The following RALYL variants were observed in gnomAD, a reference collection of about 807,000 sequenced individuals.
The protein encoded by RALYL is RALY RNA binding protein like.
Under a neutral mutation model 35.1 loss-of-function variants are expected in RALYL, and 29 were observed. The observed-to-expected ratio is 0.83, with a 90% CI of 0.61 to 1.13. The LOEUF (loss-of-function observed/expected upper bound fraction) is 1.13. Ranked by LOEUF, RALYL falls within the 50% of genes most tolerant of loss-of-function variation. The pLI is 0.00. For synonymous variants in RALYL, 120 were observed against 127.6 expected, an observed-to-expected ratio of 0.94 and a Z score of 0.40; for missense variants, 359 against 360.4, an observed-to-expected ratio of 1.00 and a Z score of 0.03.
intron 1 of RALYL, among the ~76,000 whole-genome samples, chr8:84,403,261 T>G (rs1358941636): frequency 1.3e-5 from 2 of 152,166 alleles, no homozygotes; most frequent in African/African-American, 4.8e-5. Context: ...TGGTATTGCC[T>G]AGGTTTTCTT....
At chr8:84,306,294 T>G (rs555426210) in intron 1 of RALYL, among the ~76,000 whole-genome samples, 4 of 152,278 alleles carry the variant, frequency 2.6e-5, no homozygotes, top group African/African-American at 9.6e-5. Context: ...TACAATTAGT[T>G]TTTTGGGGGA....
chr8:84,667,886 A>C (rs1039574731), intron 2 of RALYL, among the ~76,000 whole-genome samples: 5 of 152,254 alleles, frequency 3.3e-5, no homozygotes, highest in Non-Finnish European at 5.9e-5. Context: ...TATATAACCT[A>C]GGGAGGATGG....
intron 3 of RALYL, among the ~76,000 whole-genome samples, chr8:84,793,174 T>C (rs1173982273): frequency 6.6e-6 from 1 of 152,094 alleles, no homozygotes; most frequent in Non-Finnish European, 1.5e-5. Context: ...ATATAGATGG[T>C]ATTCAAAGCC....
At chr8:84,350,467 G>A (rs370805000) in intron 1 of RALYL, among the ~76,000 whole-genome samples, 4 of 150,450 alleles carry the variant, frequency 2.7e-5, no homozygotes, top group South Asian at 2.1e-4. Context: ...TTTGAAATCT[G>A]TATTGTCCCT....
chr8:84,267,109 C>T (rs917634323), intron 1 of RALYL, among the ~76,000 whole-genome samples: 7 of 152,076 alleles, frequency 4.6e-5, no homozygotes, highest in Middle Eastern at 3.2e-3. Flanking sequence ...AGCAGATCTG[C>T]AGGAATCTTA....
chr8:84,253,849 C>G (rs1830709940), intron 1 of RALYL, among the ~76,000 whole-genome samples: 1 of 152,144 alleles, frequency 6.6e-6, no homozygotes, highest in Admixed American at 6.5e-5. Flanking sequence ...TTTTTCATTG[C>G]TTCATCCTTG....
chr8:84,638,013 A>G (rs1385984490), intron 2 of RALYL, among the ~76,000 whole-genome samples: 2 of 151,952 alleles, frequency 1.3e-5, no homozygotes, highest in East Asian at 1.9e-4. Context: ...TATACATTCT[A>G]TTTATCAGCA....
intron 2 of RALYL, among the ~76,000 whole-genome samples, chr8:84,533,133 T>C (rs1290194757): frequency 6.6e-6 from 1 of 152,108 alleles, no homozygotes; most frequent in African/African-American, 2.4e-5. Flanking sequence ...TACGTCTATA[T>C]TTGGTTATTT....
intron 2 of RALYL, among the ~76,000 whole-genome samples, chr8:84,709,472 A>C (rs1334785740): frequency 2.0e-5 from 3 of 152,136 alleles, no homozygotes; most frequent in Non-Finnish European, 2.9e-5. Context: ...ATGCTTTTAA[A>C]GTTCTAAAAT....
upstream of RALYL, chr8:84,183,187 C>G (rs1048599862): frequency 6.4e-6 from 1 of 155,394 alleles, no homozygotes; most frequent in Admixed American, 6.5e-5. Flanking sequence ...CCGCTCGGCT[C>G]CCCCTCTCGC....
At chr8:84,857,314 C>T (rs529545208) in intron 5 of RALYL, among the ~76,000 whole-genome samples, 1 of 152,098 alleles carries the variant, frequency 6.6e-6, no homozygotes, top group Non-Finnish European at 1.5e-5. Context: ...AAATTTTAGC[C>T]CCCTAGGGAA....
intron 2 of RALYL, among the ~76,000 whole-genome samples, chr8:84,657,812 T>C (rs1830232865): frequency 6.6e-6 from 1 of 152,150 alleles, no homozygotes; most frequent in Non-Finnish European, 1.5e-5. Context: ...CTGATTGGAG[T>C]AGATTCCACC....
chr8:84,763,689 G>A (rs1402467301), intron 2 of RALYL, among the ~76,000 whole-genome samples: 1 of 152,116 alleles, frequency 6.6e-6, no homozygotes, highest in Non-Finnish European at 1.5e-5. Context: ...AGAGAAAGAT[G>A]TTCATGGAAT....
At chr8:84,401,760 C>A (rs1030378048) in intron 1 of RALYL, among the ~76,000 whole-genome samples, 2 of 149,272 alleles carry the variant, frequency 1.3e-5, no homozygotes, top group East Asian at 4.0e-4. Context: ...AGATCAATAG[C>A]ACTGTTTTTG....
chr8:84,469,359 A>G (rs1267517449), intron 1 of RALYL, among the ~76,000 whole-genome samples: 2 of 152,048 alleles, frequency 1.3e-5, no homozygotes, highest in East Asian at 3.9e-4. Context: ...TTTCCTTCTA[A>G]CAGAGAGGAC....
chr8:84,357,974 A>G (rs968266294), intron 1 of RALYL, among the ~76,000 whole-genome samples: 1 of 151,504 alleles, frequency 6.6e-6, no homozygotes, highest in African/African-American at 2.4e-5. Context: ...TTTCTTTATG[A>G]TGTGGTTCGC....
chr8:84,854,295 G>A (rs548034297), intron 5 of RALYL, among the ~76,000 whole-genome samples: 1 of 151,846 alleles, frequency 6.6e-6, no homozygotes, highest in Middle Eastern at 3.4e-3. Context: ...GCAGTGAGCC[G>A]AGATCGTGCC....
At chr8:84,565,542 T>G (rs1305641731) in intron 2 of RALYL, among the ~76,000 whole-genome samples, 2 of 151,528 alleles carry the variant, frequency 1.3e-5, no homozygotes, top group Non-Finnish European at 3.0e-5. Context: ...TACTGAGGGT[T>G]GAAAAAACGA....
intron 1 of RALYL, among the ~76,000 whole-genome samples, chr8:84,239,471 C>A (rs1259929421): frequency 6.6e-6 from 1 of 152,156 alleles, no homozygotes; most frequent in Non-Finnish European, 1.5e-5. Context: ...TGTCTCAGAC[C>A]ATTAAATCTC....
Sources: allele counts gnomAD v4.1 joint callset (sites outside exome capture counted in the v4.1 genomes callset), GRCh38; gene constraint gnomAD v4.1.1; transcripts MANE v1.5; gene names NCBI Gene and HGNC (gene_info 2026-07-23, HGNC 2026-07-21).